Variants in DEF6 observed in about 807,000 individuals in gnomAD.
DEF6 encodes the protein differentially expressed in FDCP 6 homolog.
Under a neutral mutation model 80.5 loss-of-function variants are expected in DEF6, and 32 were observed. That is an observed-to-expected ratio of 0.40 (90% confidence interval 0.30 to 0.53). The LOEUF is 0.53. Among genes scored for constraint, DEF6 ranks in the 20% least tolerant of loss-of-function variants. DEF6 has a pLI of 0.57. For missense variants in DEF6, 575 were observed against 818.7 expected (o/e 0.70, Z 3.63); for synonymous variants, 300 against 337.9 (o/e 0.89, Z 1.23).
At position 35,297,860 on chromosome 6, in the gene DEF6, G is replaced by T. The variant is rs773452323; in HGVS notation, c.4G>T (p.Ala2Ser). The part of the protein sequence containing the change: M[A>S]LRKELLKSIW... ...CAGCCGGGCGGGCGCCTCAGCCATGGCCCTGCGCAAGGAACTGCTCAAGTC... is the reference window on the plus strand; with the variant it reads ...CAGCCGGGCGGGCGCCTCAGCCATGTCCCTGCGCAAGGAACTGCTCAAGTC... Residue 2 changes from alanine (A) to serine (S), a missense_variant, in exon 1 of 11, where the codon GCC (alanine) becomes TCC (serine). By Grantham distance (99) the Ala-to-Ser change is moderately conservative. Transcript: ENST00000316637. 19 of 1,598,126 alleles carry T rather than the reference G, an allele frequency of 1.2e-5. No homozygotes were observed. Among genetic ancestry groups the T allele is most frequent in the Non-Finnish European group, 1.1e-5 (13 of 1,173,512 alleles).
At chr6:35,301,037 C>T (rs1791307388) in intron 1 of DEF6, among the ~76,000 whole-genome samples, 1 of 152,022 alleles carries the variant, frequency 6.6e-6, no homozygotes, top group South Asian at 2.1e-4. Flanking sequence ...CTGGCAGGAG[C>T]TGGGGGAAGG....
chr6:35,319,421 C>T lies in DEF6; in HGVS notation c.1216-103C>T, dbSNP rs375528462. Reference sequence around the variant, plus strand: ...CCCCAACATGAAGGAGTTCCCCAGACCCTCACCCCTAGGCAGCTTAGCAAC... The same window carrying T: ...CCCCAACATGAAGGAGTTCCCCAGATCCTCACCCCTAGGCAGCTTAGCAAC... On this transcript the variant is annotated intron_variant, in intron 7 of 10. Transcript: ENST00000316637. This position sits in a 1 kb window ranked among gnomAD's most constrained non-coding sequence, Gnocchi z 4.5. 8.2e-5 allele frequency: 67 copies of T among 820,688 alleles called. No homozygotes were observed. The highest frequency in any genetic ancestry group is 1.2e-4 in the Non-Finnish European group (63 of 519,948). The allele number at this position is 820,688 out of a possible 1,614,324, so 50.8% of individuals were successfully genotyped here.
At position 35,321,273 on chromosome 6, in the gene DEF6, C is replaced by T. The variant is rs557445715; in HGVS notation, c.1759C>T (p.Arg587Cys). 1.6e-5 allele frequency: 26 copies of T among 1,613,994 alleles called. No individual in the cohort carries two copies. Among genetic ancestry groups the T allele is most frequent in the South Asian group, 6.6e-5 (6 of 91,064 alleles). ...TGACTCCTCCCTAAAGCGCCTGACC[C>T]GCTGGGGATCCCAGGGCAACAGGAC... is the stretch of plus-strand genomic sequence containing the variant. ...HRDSSLKRLT[R>C]WGSQGNRTPS... Residue 587 changes from arginine to cysteine, a missense_variant, in exon 11 of 11, where the codon CGC becomes TGC. Physicochemically the swap from Arg to Cys is radical, Grantham distance 180. Coordinates refer to ENST00000316637, the MANE Select transcript of DEF6 (RefSeq NM_022047.4).
At chr6:35,310,392 C>A (rs1318283990) in intron 2 of DEF6, 67 bp from the exon 3 acceptor site, 1 of 1,574,518 alleles carries the variant, frequency 6.4e-7, no homozygotes, top group Non-Finnish European at 8.6e-7. Context: ...CCAAGAAACC[C>A]AGCTGGAGCC....
rs951711979 is a variant in DEF6, at chr6:35,321,717, G to A, written c.*307G>A. On this transcript the variant is annotated 3_prime_UTR_variant, in exon 11 of 11. Coordinates refer to ENST00000316637, the MANE Select transcript of DEF6 (RefSeq NM_022047.4). ...GCAAGCCGGGGCTACCTGCCCCCAG[G>A]TGGCCACCAAGTTGTGGAAGCACAT... 3.5e-6 allele frequency: 1 copy of A among 281,938 alleles called. No homozygotes were observed. The highest frequency in any genetic ancestry group is 4.9e-5 in the Admixed American group (1 of 20,534). 17.5% of individuals were successfully genotyped at this position (281,938 alleles called of 1,614,324 possible).
Position 35,319,413 on chromosome 6 carries a change from T to TC in DEF6, c.1216-107dup, listed in dbSNP as rs1791560981. ...TCAGGAAACCCCAACATGAAGGAGTTCCCCAGACCCTCACCCCTAGGCAGC... is the reference window on the plus strand; with the variant it reads ...TCAGGAAACCCCAACATGAAGGAGTTCCCCCAGACCCTCACCCCTAGGCAGC... On this transcript the variant is annotated intron_variant, in intron 7 of 10. Transcript: ENST00000316637. The surrounding 1 kb of genome is among the most constrained non-coding windows in gnomAD (Gnocchi z 4.5). 1 of 747,534 alleles carries TC rather than the reference T, an allele frequency of 1.3e-6. No homozygotes were observed. The highest frequency in any genetic ancestry group is 1.9e-5 in the South Asian group (1 of 51,656). The allele number at this position is 747,534 out of a possible 1,614,324, so 46.3% of individuals were successfully genotyped here.
rs1434890131 is a variant in DEF6, at chr6:35,318,321, G to A, written c.1065G>A (p.Glu355=). The A allele has an allele frequency of 4.5e-6, 7 of 1,548,548 alleles. No homozygotes were observed. In the South Asian group the frequency reaches 7.1e-5, roughly 16 times the overall value. ...EELLRLQQLQ[E]EKERKLQELE... ...TGCTGCGGCTGCAGCAGCTGCAGGA[G>A]GAGAAGGAGCGGAAGCTGCAGGAGC... is the stretch of plus-strand genomic sequence containing the variant. The change falls in exon 7 of 11, where the codon GAG becomes GAA. Residue 355 remains glutamate (E), a synonymous_variant. Coordinates refer to ENST00000316637, the MANE Select transcript of DEF6 (RefSeq NM_022047.4). The surrounding 1 kb of genome is among the most constrained non-coding windows in gnomAD (Gnocchi z 5.1).
rs1007812433 is a variant in DEF6 at position 35,321,663 on chromosome 6, C to T, written c.*253C>T. 5.7e-5 allele frequency: 22 copies of T among 382,612 alleles called. No homozygotes were observed. The highest frequency in any genetic ancestry group is 8.4e-5 in the Admixed American group (2 of 23,780). 23.7% of individuals were successfully genotyped at this position (382,612 alleles called of 1,614,324 possible). ...GCCCTGTGCTTTAGACCCAAGGACC[C>T]GATTCTTGGGCTAGGAAAGAGAGAA... On this transcript the variant is annotated 3_prime_UTR_variant, in exon 11 of 11. Coordinates refer to ENST00000316637, the MANE Select transcript of DEF6 (RefSeq NM_022047.4).
At chr6:35,307,060 A>T (rs1423356374) in intron 1 of DEF6, among the ~76,000 whole-genome samples, 1 of 152,248 alleles carries the variant, frequency 6.6e-6, no homozygotes, top group Non-Finnish European at 1.5e-5. Flanking sequence ...CTTAATGAGC[A>T]TTCTTGTATC....
intron 5 of DEF6, among the ~76,000 whole-genome samples, chr6:35,314,468 G>A (rs961231816): frequency 1.7e-4 from 26 of 150,896 alleles, no homozygotes; most frequent in African/African-American, 6.1e-4. Context: ...TTTTAACTGG[G>A]ATGAAATGAT....
At chr6:35,309,044 CT>C (rs1318042569) in intron 1 of DEF6, among the ~76,000 whole-genome samples, 1 of 152,194 alleles carries the variant, frequency 6.6e-6, no homozygotes, top group African/African-American at 2.4e-5. Context: ...CATGACCCTT[CT>C]TTGAGCCCTC....
intron 5 of DEF6, chr6:35,317,649 C>T: frequency 4.3e-6 from 2 of 461,936 alleles, no homozygotes; most frequent in East Asian, 3.9e-5. Context: ...ATGTACTGGG[C>T]CCCGTGGAAT....
rs764418962 is a variant in DEF6 at position 35,297,907 on chromosome 6, G to A, written c.51G>A (p.Ala17=). 6.8e-6 allele frequency: 11 copies of A among 1,607,550 alleles called. No homozygotes were observed. Among genetic ancestry groups the A allele is most frequent in the Admixed American group, 5.1e-5 (3 of 59,024 alleles). Residue 17 remains alanine, a synonymous_variant, in exon 1 of 11, where the codon GCG becomes GCA. Transcript: ENST00000316637. ...LLKSIWYAFT[A]LDVEKSGKVS... ...AGTCCATCTGGTACGCCTTTACCGCGCTGGACGTGGAGAAGAGTGGCAAAG... is the reference window on the plus strand; with the variant it reads ...AGTCCATCTGGTACGCCTTTACCGCACTGGACGTGGAGAAGAGTGGCAAAG...
rs2150388912 is a variant in DEF6, at chr6:35,318,486, C to G, written c.1215+15C>G. On this transcript the variant is annotated intron_variant, in intron 7 of 10. Coordinates refer to ENST00000316637, the MANE Select transcript of DEF6 (RefSeq NM_022047.4). The surrounding 1 kb of genome is among the most constrained non-coding windows in gnomAD (Gnocchi z 5.1). The stretch of plus-strand genomic sequence containing the variant: ...AGGCGGAGCAGGTGGGGTTAGCTCC[C>G]GGCGCCGGGGACGGGACCGGTGGGC... The G allele has an allele frequency of 1.4e-6, 2 of 1,381,894 alleles. No individual in the cohort carries two copies. Among genetic ancestry groups the G allele is most frequent in the South Asian group, 1.6e-5 (1 of 60,712 alleles). The allele number at this position is 1,381,894 out of a possible 1,614,324, so 85.6% of individuals were successfully genotyped here.
chr6:35,321,382 A>T lies in DEF6; in HGVS notation c.1868A>T (p.Asp623Val). 6.2e-7 allele frequency: 1 copy of T among 1,613,908 alleles called. No homozygotes were observed. The highest frequency in any genetic ancestry group is 8.5e-7 in the Non-Finnish European group (1 of 1,179,812). ...APAPASTPQE[D>V]KLDPAPEN is the part of the protein sequence containing the mutation. ...GCCCCGGCTTCCACCCCTCAGGAAGATAAACTGGATCCAGCACCAGAAAAT... is the reference window on the plus strand; with the variant it reads ...GCCCCGGCTTCCACCCCTCAGGAAGTTAAACTGGATCCAGCACCAGAAAAT... The change falls in exon 11 of 11, where the codon GAT (aspartate) becomes GTT (valine). Residue 623 changes from aspartate to valine, a missense_variant. Coordinates refer to ENST00000316637, the MANE Select transcript of DEF6 (RefSeq NM_022047.4).
In DEF6 at chr6:35,318,014, G is replaced by A. The variant is rs1791542340; in HGVS notation, c.916+15G>A. 2.5e-6 allele frequency: 4 copies of A among 1,607,634 alleles called. No homozygotes were observed. In the South Asian group the frequency reaches 3.3e-5, roughly 13 times the overall value. ...GTGGACAGCTGGTGAGTGCTCGCTA[G>A]GTGGCTTGGGTCTGGGTGGTCCTTA... On this transcript the variant is annotated intron_variant, in intron 6 of 10. Coordinates refer to ENST00000316637, the MANE Select transcript of DEF6 (RefSeq NM_022047.4). The surrounding 1 kb of genome is among the most constrained non-coding windows in gnomAD (Gnocchi z 5.1).
intron 5 of DEF6, among the ~76,000 whole-genome samples, chr6:35,314,521 C>T (rs562940580): frequency 6.6e-6 from 1 of 151,586 alleles, no homozygotes; most frequent in South Asian, 2.1e-4. Context: ...TGATTAGTGA[C>T]ATTGAGCATT....
Position 35,321,337 on chromosome 6 carries a change from A to G in DEF6, c.1823A>G (p.Asn608Ser), listed in dbSNP as rs756795040. The G allele has an allele frequency of 4.3e-6, 7 of 1,614,104 alleles. No homozygotes were observed. The highest frequency in any genetic ancestry group is 1.3e-5 in the African/African-American group (1 of 75,036). ...PNSNEQQKSL[N>S]GGDEAPAPAS... Reference sequence around the variant, plus strand: ...AGCAATGAGCAGCAGAAGTCCCTCAATGGTGGGGATGAGGCTCCTGCCCCG... The same window carrying G: ...AGCAATGAGCAGCAGAAGTCCCTCAGTGGTGGGGATGAGGCTCCTGCCCCG... Residue 608 changes from asparagine to serine, a missense_variant, in exon 11 of 11, where the codon AAT becomes AGT. By Grantham distance (46) the Asn-to-Ser change is conservative. Coordinates refer to ENST00000316637, the MANE Select transcript of DEF6 (RefSeq NM_022047.4).
At chr6:35,320,693 G>A (rs375913616) in intron 9 of DEF6, among the ~76,000 whole-genome samples, 191 bp from the exon 10 acceptor site, 1 of 152,318 alleles carries the variant, frequency 6.6e-6, no homozygotes, top group South Asian at 2.1e-4. Context: ...GGAAGTCCAT[G>A]AGTCCCATGA....
Sources: gnomAD v4.1 joint callset for allele counts (sites outside exome capture counted in the v4.1 genomes callset) on GRCh38, gnomAD v4.1.1 for gene constraint, Gnocchi (gnomAD v3.1) non-coding constraint, MANE v1.5 for transcripts, NCBI Gene and HGNC (gene_info 2026-07-23, HGNC 2026-07-21) for gene names.